The following REDIC1 variants were observed in gnomAD, a reference collection of about 807,000 sequenced individuals.
REDIC1 encodes the protein regulator of DNA class I crossover intermediates 1, also known as HEI10 Interacting Protein 1.
chr12:39,803,771 C>G, the REDIC1 span, among the ~76,000 whole-genome samples: 1 of 151,952 alleles, frequency 6.6e-6, no homozygotes, highest in South Asian at 2.1e-4. Context: ...ATGCATCTCA[C>G]CGGAATTCCA....
the REDIC1 span, chr12:39,716,895 T>C: frequency 5.0e-6 from 6 of 1,203,314 alleles, no homozygotes; most frequent in Non-Finnish European, 6.8e-6. Context: ...TATTTGTTTT[T>C]CTCATAGTTT....
chr12:39,868,933 A>G, the REDIC1 span, among the ~76,000 whole-genome samples: 1 of 152,210 alleles, frequency 6.6e-6, no homozygotes, highest in African/African-American at 2.4e-5. Context: ...AAGAATGAAT[A>G]TCTAACAAAA....
the REDIC1 span, among the ~76,000 whole-genome samples, chr12:39,839,633 C>T: frequency 6.6e-6 from 1 of 152,006 alleles, no homozygotes; most frequent in Non-Finnish European, 1.5e-5. Context: ...TTTGTTTCTC[C>T]CACCTCTCAG....
the REDIC1 span, among the ~76,000 whole-genome samples, chr12:39,651,748 C>CA: frequency 6.6e-6 from 1 of 152,070 alleles, no homozygotes; most frequent in Non-Finnish European, 1.5e-5. Context: ...TATTAAATGA[C>CA]ATAAAATAAA....
chr12:39,724,284 A>C, the REDIC1 span, among the ~76,000 whole-genome samples: 1 of 152,124 alleles, frequency 6.6e-6, no homozygotes, highest in African/African-American at 2.4e-5. Context: ...TTGGTTGGGA[A>C]CTGGTTAGTA....
chr12:39,652,881 T>C, the REDIC1 span, among the ~76,000 whole-genome samples: 73 of 152,198 alleles, frequency 4.8e-4, no homozygotes, highest in Non-Finnish European at 7.5e-4. Flanking sequence ...GGAATCTCAG[T>C]TCTGTTCTGT....
the REDIC1 span, among the ~76,000 whole-genome samples, chr12:39,637,017 G>A: frequency 3.3e-5 from 5 of 151,808 alleles, no homozygotes; most frequent in South Asian, 8.3e-4. Flanking sequence ...GCCCTGATGC[G>A]TTTCTGTAAT....
the REDIC1 span, among the ~76,000 whole-genome samples, chr12:39,641,340 T>A: frequency 6.6e-6 from 1 of 151,986 alleles, no homozygotes; most frequent in Admixed American, 6.6e-5. Flanking sequence ...TTTGTCTTTA[T>A]TTTTTATTAC....
At chr12:39,727,554 C>T in the REDIC1 span, among the ~76,000 whole-genome samples, 62 of 151,962 alleles carry the variant, frequency 4.1e-4, no homozygotes, top group African/African-American at 1.4e-3. Context: ...GTTACTGTAG[C>T]CTTGTAGTAT....
At chr12:39,885,982 T>G in the REDIC1 span, among the ~76,000 whole-genome samples, 1 of 152,234 alleles carries the variant, frequency 6.6e-6, no homozygotes, top group Non-Finnish European at 1.5e-5. Flanking sequence ...GAAACCATCT[T>G]CTACTTTCAG....
the REDIC1 span, among the ~76,000 whole-genome samples, chr12:39,833,356 T>C: frequency 2.0e-5 from 3 of 152,034 alleles, no homozygotes; most frequent in African/African-American, 7.2e-5. Flanking sequence ...TTTTTTTAAA[T>C]TCCCTAACTT....
the REDIC1 span, among the ~76,000 whole-genome samples, chr12:39,739,450 G>A: frequency 1.3e-5 from 2 of 152,100 alleles, no homozygotes; most frequent in East Asian, 3.9e-4. Flanking sequence ...TAGAAGAAAA[G>A]ATAAAACTGA....
chr12:39,863,982 T>C, the REDIC1 span, among the ~76,000 whole-genome samples: 1 of 152,214 alleles, frequency 6.6e-6, no homozygotes, highest in South Asian at 2.1e-4. Flanking sequence ...ATATACATTT[T>C]TGTTAAGGCT....
chr12:39,900,212 T>A, the REDIC1 span, among the ~76,000 whole-genome samples: 1 of 152,126 alleles, frequency 6.6e-6, no homozygotes, highest in Non-Finnish European at 1.5e-5. Flanking sequence ...GAGCTATCTA[T>A]GACAACCCCA....
the REDIC1 span, among the ~76,000 whole-genome samples, chr12:39,874,459 CAAA>C: frequency 4.6e-5 from 7 of 151,796 alleles, no homozygotes; most frequent in African/African-American, 1.7e-4. Context: ...ATTAAAAATA[CAAA>C]AAATTAGCTG....
At chr12:39,711,741 G>A in the REDIC1 span, among the ~76,000 whole-genome samples, 1 of 122,828 alleles carries the variant, frequency 8.1e-6, no homozygotes, top group Non-Finnish European at 1.8e-5. Context: ...GTGTGTATGT[G>A]TGTATACACA....
the REDIC1 span, among the ~76,000 whole-genome samples, chr12:39,636,235 C>T: frequency 6.6e-6 from 1 of 152,052 alleles, no homozygotes; most frequent in Admixed American, 6.6e-5. Context: ...AATTCGGTCT[C>T]CGAGAACTTA....
the REDIC1 span, among the ~76,000 whole-genome samples, chr12:39,902,481 T>A: frequency 3.9e-5 from 6 of 152,098 alleles, no homozygotes; most frequent in African/African-American, 1.4e-4. Flanking sequence ...ATACTTCTTG[T>A]AATAAATTAA....
At chr12:39,699,668 A>T in the REDIC1 span, among the ~76,000 whole-genome samples, 1 of 152,208 alleles carries the variant, frequency 6.6e-6, no homozygotes, top group Non-Finnish European at 1.5e-5. Flanking sequence ...AAAAAGCAGT[A>T]ACCTCTGCAG....
Sources: allele counts gnomAD v4.1 joint callset (sites outside exome capture counted in the v4.1 genomes callset), GRCh38; gene constraint gnomAD v4.1.1; transcripts MANE v1.5; gene names NCBI Gene and HGNC (gene_info 2026-07-23, HGNC 2026-07-21).